The following EPM2A variants were observed in gnomAD, a reference collection of about 807,000 sequenced individuals.
The protein encoded by EPM2A is EPM2A glucan phosphatase, laforin, also known as laforin.
EPM2A carries 21 observed loss-of-function variants against 26.5 expected under a neutral mutation model. That is an observed-to-expected ratio of 0.79 (90% CI 0.56 to 1.14). The LOEUF is 1.14. EPM2A is among the 50% of genes most tolerant of loss of function. The probability of loss-of-function intolerance (pLI) is 0.00; values close to 1 mark genes in which losing one functional copy is unlikely to be tolerated. For missense variants in EPM2A, 458 were observed against 440.8 expected (o/e 1.04, Z -0.35); for synonymous variants, 217 against 177.6 (o/e 1.22, Z -1.76).
downstream of EPM2A, among the ~76,000 whole-genome samples, chr6:145,500,300 T>G (rs1779872696): frequency 6.6e-6 from 1 of 152,174 alleles, no homozygotes; most frequent in African/African-American, 2.4e-5. Context: ...ACATGTAAAT[T>G]CTTCTTTGTT....
chr6:145,397,398 GC>G (rs778463952), intron 4 of EPM2A, among the ~76,000 whole-genome samples: 2 of 152,052 alleles, frequency 1.3e-5, no homozygotes, highest in Non-Finnish European at 2.9e-5. Flanking sequence ...GTATGATGAC[GC>G]CATTGCACTC....
At chr6:145,646,812 T>A (rs558980943) in intron 2 of EPM2A, among the ~76,000 whole-genome samples, 1 of 152,140 alleles carries the variant, frequency 6.6e-6, no homozygotes, top group South Asian at 2.1e-4. Context: ...AATGAACTCA[T>A]CTTCATTCTC....
chr6:145,495,666 C>T (rs895249062), intron 4 of EPM2A, among the ~76,000 whole-genome samples: 1 of 152,170 alleles, frequency 6.6e-6, no homozygotes, highest in African/African-American at 2.4e-5. Flanking sequence ...CAACCTCCAC[C>T]TCCTGGGTTC....
chr6:145,393,751 A>G (rs887449241), intron 4 of EPM2A, among the ~76,000 whole-genome samples: 2 of 151,990 alleles, frequency 1.3e-5, no homozygotes, highest in Non-Finnish European at 2.9e-5. Flanking sequence ...GTTCCCCATA[A>G]GAGCATTTTA....
chr6:145,572,740 T>C (rs564467701), intron 2 of EPM2A, among the ~76,000 whole-genome samples: 10 of 152,304 alleles, frequency 6.6e-5, no homozygotes, highest in Non-Finnish European at 1.2e-4. Flanking sequence ...TCAAGCACCA[T>C]TGGATCTGCT....
intron 4 of EPM2A, among the ~76,000 whole-genome samples, chr6:145,438,003 T>C (rs1248243529): frequency 1.3e-5 from 2 of 152,246 alleles, no homozygotes; most frequent in Non-Finnish European, 1.5e-5. Context: ...ATTTCATGTT[T>C]GTGGCAGGTT....
At chr6:145,473,754 C>A (rs1037224625) in intron 4 of EPM2A, among the ~76,000 whole-genome samples, 11 of 152,182 alleles carry the variant, frequency 7.2e-5, no homozygotes, top group African/African-American at 1.9e-4. Context: ...AAGAGAGTAG[C>A]ATGGCATATT....
Position 145,488,495 on chromosome 6 carries a change from TTG to T in EPM2A, c.555+14025_555+14026del, listed in dbSNP as rs146792300. Among the ~76,000 whole-genome samples the T allele has an allele frequency of 8.0e-3, 1,053 of 131,940 alleles. 53 individuals carry two copies. The East Asian group carries it at 0.15, about 19-fold the overall frequency. 86.6% of individuals were successfully genotyped at this position (131,940 alleles called of 152,430 possible). ...TTTGTGTCATCTCTAATTTGTGTGG[TTG>T]TGTGTGTGTGTGTGTGTGTGTGTGT... is the stretch of plus-strand genomic sequence containing the variant. On this transcript the variant is annotated intron_variant, in intron 4 of 4. Coordinates refer to the EPM2A transcript ENST00000638717.
intron 4 of EPM2A, among the ~76,000 whole-genome samples, chr6:145,480,380 C>T (rs904871196): frequency 5.9e-5 from 9 of 151,902 alleles, no homozygotes; most frequent in African/African-American, 1.7e-4. Context: ...ATCACAAGAA[C>T]GATCCAATCA....
At position 145,527,989 on chromosome 6, in the gene EPM2A, A is replaced by T. The variant is rs2114780612; in HGVS notation, c.341-25414T>A. On this transcript the variant is annotated intron_variant, in intron 2 of 3. Coordinates refer to the EPM2A transcript ENST00000450221. ...CAGTCTTTATGGCTTATATGGAAAA[A>T]GTTTTACAAGTCTGAATAGAATTTC... is the stretch of plus-strand genomic sequence containing the variant. Among the ~76,000 whole-genome samples, 3 of 152,270 alleles carry T rather than the reference A, an allele frequency of 2.0e-5. No individual in the cohort carries two copies. In the South Asian group the frequency reaches 6.2e-4, roughly 32 times the overall value.
At chr6:145,669,114 G>A (rs1486682293) in intron 2 of EPM2A, among the ~76,000 whole-genome samples, 1 of 151,910 alleles carries the variant, frequency 6.6e-6, no homozygotes, top group Non-Finnish European at 1.5e-5. Context: ...TCATTTATCA[G>A]GAACAATAAG....
At chr6:145,384,622 C>T (rs1028662894) in intron 4 of EPM2A, among the ~76,000 whole-genome samples, 2 of 147,146 alleles carry the variant, frequency 1.4e-5, no homozygotes, top group Non-Finnish European at 3.0e-5. Context: ...AAGCAACTCT[C>T]TTTAGGGGAG....
chr6:145,677,970 T>C (rs931696885), intron 2 of EPM2A, among the ~76,000 whole-genome samples: 2 of 152,060 alleles, frequency 1.3e-5, no homozygotes, highest in Admixed American at 6.6e-5. Flanking sequence ...TGCATTGCCA[T>C]GACAATCATA....
At chr6:145,525,976 A>T (rs1467694233) in intron 2 of EPM2A, among the ~76,000 whole-genome samples, 1 of 151,944 alleles carries the variant, frequency 6.6e-6, no homozygotes, top group Non-Finnish European at 1.5e-5. Context: ...TTTGATGTTT[A>T]GTTTGTTGAA....
At chr6:145,472,268 G>A (rs1033125909) in intron 4 of EPM2A, among the ~76,000 whole-genome samples, 1 of 151,756 alleles carries the variant, frequency 6.6e-6, no homozygotes, top group Non-Finnish European at 1.5e-5. Context: ...TGATACCTGG[G>A]TCCTACATGG....
intron 2 of EPM2A, among the ~76,000 whole-genome samples, chr6:145,537,272 T>C (rs1367112703): frequency 1.3e-5 from 2 of 152,312 alleles, no homozygotes; most frequent in East Asian, 3.9e-4. Context: ...AAGTTTCCTT[T>C]TTATATATGG....
At chr6:145,407,561 G>A (rs1396093608) in intron 4 of EPM2A, among the ~76,000 whole-genome samples, 3 of 152,144 alleles carry the variant, frequency 2.0e-5, no homozygotes, top group African/African-American at 4.8e-5. Context: ...TCCTATAATT[G>A]TGAGGAGTTT....
chr6:145,484,990 AATAT>A (rs35889967), intron 4 of EPM2A, among the ~76,000 whole-genome samples: 3 of 146,608 alleles, frequency 2.0e-5, no homozygotes, highest in Admixed American at 6.8e-5. Context: ...ATGACATTAA[AATAT>A]ATATATATAT....
intron 4 of EPM2A, among the ~76,000 whole-genome samples, chr6:145,443,078 A>G (rs1045419873): frequency 1.3e-5 from 2 of 151,764 alleles, no homozygotes; most frequent in African/African-American, 4.8e-5. Flanking sequence ...TCACCATGTT[A>G]GACATGATGG....
Sources: gnomAD v4.1 joint callset for allele counts (sites outside exome capture counted in the v4.1 genomes callset) on GRCh38, gnomAD v4.1.1 for gene constraint, MANE v1.5 for transcripts, NCBI Gene and HGNC (gene_info 2026-07-23, HGNC 2026-07-21) for gene names.